Variants in HSPA12A observed in about 807,000 individuals in gnomAD.
The protein encoded by HSPA12A is heat shock protein family A (Hsp70) member 12A, also known as heat shock 70 kDa protein 12A.
A neutral mutation model predicts 69.2 loss-of-function variants in HSPA12A; 28 were observed. The ratio of observed to expected loss-of-function variants is 0.40; its 90% CI spans 0.30 to 0.55. The LOEUF (loss-of-function observed/expected upper bound fraction) is 0.55, where lower values mean the gene tolerates loss of function less well. HSPA12A is among the 20% of genes least tolerant of loss of function. The pLI, the probability that HSPA12A is intolerant of heterozygous loss-of-function variation, is 0.38. For synonymous variants in HSPA12A, 345 were observed against 370.5 expected (o/e 0.93, Z 0.79); for missense variants, 686 against 900.7 (o/e 0.76, Z 3.05).
In HSPA12A at chr10:116,754,168, G is replaced by A. The variant is rs186969707; in HGVS notation, c.92-46883C>T. 3.3e-3 allele frequency among the ~76,000 whole-genome samples: 498 copies of A among 152,302 alleles called. 2 individuals carry two copies. The highest frequency in any genetic ancestry group is 0.011 in the African/African-American group (472 of 41,570). ...GTCCTTCCCAGGCTGGCAATGTGGTGGGAGGGAGGAGAAGGAAGTGGGCTC... is the reference window on the plus strand; with the variant it reads ...GTCCTTCCCAGGCTGGCAATGTGGTAGGAGGGAGGAGAAGGAAGTGGGCTC... On this transcript the variant is annotated intron_variant, in intron 2 of 12. Coordinates refer to the HSPA12A transcript ENST00000635765.
chr10:116,792,121 C>T (rs1430846796), intron 2 of HSPA12A, among the ~76,000 whole-genome samples: 5 of 151,948 alleles, frequency 3.3e-5, no homozygotes, highest in African/African-American at 1.2e-4. Flanking sequence ...AGACACCATG[C>T]TCATGAACTT....
Position 116,672,061 on chromosome 10 carries a change from C to T in HSPA12A, c.*2720G>A, listed in dbSNP as rs1350625040. The stretch of plus-strand genomic sequence containing the variant: ...ATCTGCTCATTTAAGAGAAACAGTA[C>T]ACAGGGAGATAGCATTAATGCAAGG... On this transcript the variant is annotated 3_prime_UTR_variant, in exon 12 of 12. Transcript: ENST00000369209. The T allele has an allele frequency of 6.6e-6, 1 of 152,180 alleles. No homozygotes were observed. The highest frequency in any genetic ancestry group is 2.4e-5 in the African/African-American group (1 of 41,432). The allele number at this position is 152,180 out of a possible 1,614,324, so 9.4% of individuals were successfully genotyped here.
At chr10:116,676,652 A>C (rs1247076820) in intron 10 of HSPA12A, 150 bp from the exon 11 acceptor site, 1 of 619,944 alleles carries the variant, frequency 1.6e-6, no homozygotes, top group Non-Finnish European at 2.9e-6. Flanking sequence ...TGGAAACCCT[A>C]AACTGCCAGG....
chr10:116,692,792 G>A (rs1849773942), intron 5 of HSPA12A, among the ~76,000 whole-genome samples: 1 of 152,130 alleles, frequency 6.6e-6, no homozygotes, highest in African/African-American at 2.4e-5. Flanking sequence ...TGTGCAGTGG[G>A]GATTATAATG....
At chr10:116,718,765 T>C (rs1240258393) in intron 1 of HSPA12A, among the ~76,000 whole-genome samples, 2 of 151,928 alleles carry the variant, frequency 1.3e-5, no homozygotes, top group Non-Finnish European at 2.9e-5. Context: ...ACCCAAAAAG[T>C]AGCCATGGCA....
chr10:116,748,989 C>T (rs1285119859), intron 2 of HSPA12A, among the ~76,000 whole-genome samples: 1 of 152,136 alleles, frequency 6.6e-6, no homozygotes, highest in Non-Finnish European at 1.5e-5. Flanking sequence ...CCCAGCTCCT[C>T]TCCCTTCCTC....
chr10:116,777,612 G>T (rs1407627183), intron 2 of HSPA12A, among the ~76,000 whole-genome samples: 1 of 152,204 alleles, frequency 6.6e-6, no homozygotes, highest in African/African-American at 2.4e-5. Flanking sequence ...CACCGAATAC[G>T]GAGTTGTAAA....
intron 2 of HSPA12A, among the ~76,000 whole-genome samples, chr10:116,801,756 C>T (rs144305035): frequency 4.6e-5 from 7 of 151,758 alleles, no homozygotes; most frequent in Middle Eastern, 3.4e-3. Context: ...AAAAAAAAAG[C>T]GCATGTAAAA....
intron 3 of HSPA12A, among the ~76,000 whole-genome samples, chr10:116,704,557 A>G (rs1201406642): frequency 6.6e-6 from 1 of 152,138 alleles, no homozygotes; most frequent in Non-Finnish European, 1.5e-5. Context: ...ACATGTATAC[A>G]TATGTAACAA....
intron 2 of HSPA12A, among the ~76,000 whole-genome samples, chr10:116,795,374 C>T (rs974669008): frequency 6.6e-6 from 1 of 152,030 alleles, no homozygotes; most frequent in Non-Finnish European, 1.5e-5. Context: ...AATAAAATTT[C>T]CTTTTAAAAT....
intron 2 of HSPA12A, among the ~76,000 whole-genome samples, chr10:116,756,179 G>A (rs1843846523): frequency 6.6e-6 from 1 of 152,134 alleles, no homozygotes; most frequent in African/African-American, 2.4e-5. Context: ...ATCTTTTTCT[G>A]TCTCCCTCTT....
intron 2 of HSPA12A, among the ~76,000 whole-genome samples, chr10:116,818,621 G>T (rs1251604323): frequency 6.6e-6 from 1 of 152,122 alleles, no homozygotes; most frequent in East Asian, 1.9e-4. Flanking sequence ...GGGGGACACA[G>T]TTACATCTCC....
intron 2 of HSPA12A, among the ~76,000 whole-genome samples, chr10:116,773,018 G>A: frequency 6.6e-6 from 1 of 152,192 alleles, no homozygotes. Context: ...TGGTTCTTCT[G>A]AGAAGGGGCT....
At chr10:116,834,413 A>G (rs1020600020) in intron 2 of HSPA12A, among the ~76,000 whole-genome samples, 1 of 152,180 alleles carries the variant, frequency 6.6e-6, no homozygotes. Context: ...CTCTTTTTAC[A>G]TGAATAGTCC....
upstream of HSPA12A, chr10:116,849,770 CT>C: frequency 6.8e-7 from 1 of 1,474,656 alleles, no homozygotes; most frequent in South Asian, 1.4e-5. Flanking sequence ...CCGCCAACCC[CT>C]CTCCCCCCGC....
At chr10:116,761,434 C>T (rs141377905) in intron 2 of HSPA12A, among the ~76,000 whole-genome samples, 2,906 of 149,346 alleles carry the variant, frequency 0.019, 76 homozygotes, top group African/African-American at 0.065. Context: ...TGCAGTGAGC[C>T]GAGATCACAC....
At chr10:116,705,510 A>C (rs1326780243) in intron 2 of HSPA12A, among the ~76,000 whole-genome samples, 1 of 152,234 alleles carries the variant, frequency 6.6e-6, no homozygotes, top group African/African-American at 2.4e-5. Context: ...GGCTGACTGG[A>C]CAAAGCCTGC....
chr10:116,705,594 G>A (rs931053354), intron 2 of HSPA12A, among the ~76,000 whole-genome samples: 18 of 152,314 alleles, frequency 1.2e-4, no homozygotes, highest in African/African-American at 4.1e-4. Context: ...AGGGCTGGTC[G>A]CCCAGTAGTT....
chr10:116,717,697 C>T (rs948012395), intron 1 of HSPA12A, among the ~76,000 whole-genome samples: 17 of 152,112 alleles, frequency 1.1e-4, no homozygotes, highest in Non-Finnish European at 2.2e-4. Context: ...TAAAATCGTT[C>T]CAACTGCTGC....
Sources: gnomAD v4.1 joint callset for allele counts (sites outside exome capture counted in the v4.1 genomes callset) on GRCh38, gnomAD v4.1.1 for gene constraint, MANE v1.5 for transcripts, NCBI Gene and HGNC (gene_info 2026-07-23, HGNC 2026-07-21) for gene names.